ZNF462: variants seen among roughly 807,000 people sequenced by gnomAD.
ZNF462 encodes the protein zinc finger protein 462.
ZNF462 carries 10 observed loss-of-function variants against 201.9 expected under a neutral mutation model. The ratio of observed to expected loss-of-function variants is 0.05; its 90% CI spans 0.03 to 0.08. The LOEUF (loss-of-function observed/expected upper bound fraction) is 0.08. Among genes scored for constraint, ZNF462 ranks in the 10% least tolerant of loss-of-function variants. The pLI is 1.00. For synonymous variants in ZNF462, 1,227 were observed against 1,193.3 expected (o/e 1.03, Z -0.58); for missense variants, 2,523 against 3,168.3 (o/e 0.80, Z 4.89).
At chr9:106,903,352 G>A (rs1194460374) in intron 1 of ZNF462, among the ~76,000 whole-genome samples, 2 of 152,024 alleles carry the variant, frequency 1.3e-5, no homozygotes, top group Non-Finnish European at 2.9e-5. Flanking sequence ...CTATCATATG[G>A]TCTATCTTGG....
rs144356650 is a variant in ZNF462 at position 106,908,086 on chromosome 9, T to G, written c.-30-15268T>G. Among the ~76,000 whole-genome samples, 14 of 152,224 alleles carry G rather than the reference T, an allele frequency of 9.2e-5. No individual in the cohort carries two copies. The East Asian group carries it at 2.7e-3, about 29-fold the overall frequency. On this transcript the variant is annotated intron_variant, in intron 1 of 12. Transcript: ENST00000277225. Reference sequence around the variant, plus strand: ...TACTATTTTTTAAATTTGTAATGTATTATCTCTTAATTGTGGCATTAAAGA... The same window carrying G: ...TACTATTTTTTAAATTTGTAATGTAGTATCTCTTAATTGTGGCATTAAAGA...
intron 7 of ZNF462, among the ~76,000 whole-genome samples, chr9:106,969,237 A>G (rs1832217916): frequency 6.6e-6 from 1 of 152,198 alleles, no homozygotes; most frequent in South Asian, 2.1e-4. Context: ...GGAGGAAAAA[A>G]AAAATTTTAT....
rs200397835 is a variant in ZNF462 at position 106,930,721 on chromosome 9, G to T, written c.6012+32G>T. 5 of 1,610,038 alleles carry T rather than the reference G, an allele frequency of 3.1e-6. No individual in the cohort carries two copies. In the Admixed American group the frequency reaches 8.3e-5, roughly 27 times the overall value. On this transcript the variant is annotated intron_variant, in intron 4 of 12. Transcript: ENST00000277225. The surrounding 1 kb of genome is among the most constrained non-coding windows in gnomAD (Gnocchi z 5.8). ...ACTGGAAGGTCTGGATGAGCATTGTGTGTGAGCGATTCGAGTTACTTATTA... is the reference window on the plus strand; with the variant it reads ...ACTGGAAGGTCTGGATGAGCATTGTTTGTGAGCGATTCGAGTTACTTATTA...
At position 106,974,736 on chromosome 9, in the gene ZNF462, A is replaced by G; in HGVS notation, c.6832+463A>G. On this transcript the variant is annotated intron_variant, in intron 9 of 12. Transcript: ENST00000277225. This position sits in a 1 kb window ranked among gnomAD's most constrained non-coding sequence, Gnocchi z 4.0. ...CTTGAAATGGTTGAAGGGAGAGAGA[A>G]TTCTTTAAAATAATGTATATTATAC... 1 of 216,812 alleles carries G rather than the reference A, an allele frequency of 4.6e-6. No homozygotes were observed. The highest frequency in any genetic ancestry group is 9.4e-6 in the Non-Finnish European group (1 of 106,378). The allele number at this position is 216,812 out of a possible 1,614,324, so 13.4% of individuals were successfully genotyped here.
chr9:106,977,958 T>C lies in ZNF462; in HGVS notation c.6832+3685T>C, dbSNP rs1215914326. Among the ~76,000 whole-genome samples, 1 of 151,578 alleles carries C rather than the reference T, an allele frequency of 6.6e-6. No homozygotes were observed. Among genetic ancestry groups the C allele is most frequent in the African/African-American group, 2.4e-5 (1 of 40,846 alleles). Reference sequence around the variant, plus strand: ...TGAAGGCACAAGAGAAGGATCCTTATTTGCCTCTTCCTAGCTTCTGACAGC... The same window carrying C: ...TGAAGGCACAAGAGAAGGATCCTTACTTGCCTCTTCCTAGCTTCTGACAGC... On this transcript the variant is annotated intron_variant, in intron 9 of 12. Transcript: ENST00000277225. The surrounding 1 kb of genome is among the most constrained non-coding windows in gnomAD (Gnocchi z 4.6).
intron 10 of ZNF462, among the ~76,000 whole-genome samples, chr9:106,994,453 C>T (rs1828536132): frequency 6.6e-6 from 1 of 152,068 alleles, no homozygotes; most frequent in African/African-American, 2.4e-5. Flanking sequence ...CCAAATAAAT[C>T]ATAAGAAGAA....
rs1233437581 is a variant in ZNF462 at position 106,933,750 on chromosome 9, G to A, written c.6116+1201G>A. 1.3e-5 allele frequency among the ~76,000 whole-genome samples: 2 copies of A among 152,176 alleles called. No homozygotes were observed. Among genetic ancestry groups the A allele is most frequent in the African/African-American group, 4.8e-5 (2 of 41,432 alleles). On this transcript the variant is annotated intron_variant, in intron 5 of 12. Coordinates refer to ENST00000277225, the MANE Select transcript of ZNF462 (RefSeq NM_021224.6). The surrounding 1 kb of genome is among the most constrained non-coding windows in gnomAD (Gnocchi z 4.3). ...GAGAAATGTTACATCAGCTTTGGAA[G>A]AGTCAGGAAGGTTTTATGGCATAAG... is the stretch of plus-strand genomic sequence containing the variant.
chr9:106,950,382 G>T lies in ZNF462; in HGVS notation c.6427+11275G>T, dbSNP rs990098658. ...TCTTACTTGTCCCAAACTAAATGGA[G>T]TGAGCAGCTGTGTGGTTAGTAGCTG... On this transcript the variant is annotated intron_variant, in intron 7 of 12. Coordinates refer to ENST00000277225, the MANE Select transcript of ZNF462 (RefSeq NM_021224.6). The surrounding 1 kb of genome is among the most constrained non-coding windows in gnomAD (Gnocchi z 4.1). Among the ~76,000 whole-genome samples, 6 of 152,200 alleles carry T rather than the reference G, an allele frequency of 3.9e-5. No homozygotes were observed. The highest frequency in any genetic ancestry group is 1.4e-4 in the African/African-American group (6 of 41,448).
At chr9:106,918,210 A>G (rs1411938403) in intron 1 of ZNF462, among the ~76,000 whole-genome samples, 1 of 152,196 alleles carries the variant, frequency 6.6e-6, no homozygotes, top group Admixed American at 6.5e-5. Context: ...ACATGGAGAT[A>G]GTACCGATGT....
intron 1 of ZNF462, among the ~76,000 whole-genome samples, chr9:106,869,075 A>G (rs1011933621): frequency 2.0e-5 from 3 of 152,136 alleles, no homozygotes; most frequent in African/African-American, 7.2e-5. Context: ...GCCCTTCTCA[A>G]ATGCCCTTCT....
Position 106,968,548 on chromosome 9 carries a change from T to C in ZNF462, c.6428-3457T>C, listed in dbSNP as rs1241088780. Among the ~76,000 whole-genome samples, 1 of 151,980 alleles carries C rather than the reference T, an allele frequency of 6.6e-6. No homozygotes were observed. The highest frequency in any genetic ancestry group is 2.4e-5 in the African/African-American group (1 of 41,350). ...GACTGTATGTGTCAGGGTTGGTTGG[T>C]TGGTTGGTTGGTTGGTTGGGAATGT... is the stretch of plus-strand genomic sequence containing the variant. On this transcript the variant is annotated intron_variant, in intron 7 of 12. Transcript: ENST00000277225. The surrounding 1 kb of genome is among the most constrained non-coding windows in gnomAD (Gnocchi z 4.0).
chr9:106,974,161 A>G lies in ZNF462; in HGVS notation c.6720A>G (p.Glu2240=), dbSNP rs1213866090. 1.2e-6 allele frequency: 2 copies of G among 1,614,162 alleles called. No individual in the cohort carries two copies. The highest frequency in any genetic ancestry group is 1.7e-6 in the Non-Finnish European group (2 of 1,180,026). Reference sequence around the variant, plus strand: ...GATCTGCTTTTACTATGCACGTGGAAGCTGGGCACTCAGCAGTTCCCGAGG... The same window carrying G: ...GATCTGCTTTTACTATGCACGTGGAGGCTGGGCACTCAGCAGTTCCCGAGG... ...GFKSAFTMHV[E]AGHSAVPEEG... The change falls in exon 9 of 13, where the codon GAA becomes GAG. Residue 2240 remains glutamate, a synonymous_variant. Coordinates refer to ENST00000277225, the MANE Select transcript of ZNF462 (RefSeq NM_021224.6). The surrounding 1 kb of genome is among the most constrained non-coding windows in gnomAD (Gnocchi z 4.0).
At chr9:106,988,770 A>G (rs116273539) in intron 10 of ZNF462, among the ~76,000 whole-genome samples, 3,300 of 152,040 alleles carry the variant, frequency 0.022, 113 homozygotes, top group African/African-American at 0.075. Flanking sequence ...TGTTAGGTAT[A>G]TTCCTAAGTA....
intron 1 of ZNF462, among the ~76,000 whole-genome samples, chr9:106,871,137 G>A (rs926424231): frequency 4.6e-5 from 7 of 152,184 alleles, no homozygotes; most frequent in African/African-American, 1.7e-4. Context: ...AAAGATGTTT[G>A]CTGCACAAAG....
intron 1 of ZNF462, among the ~76,000 whole-genome samples, chr9:106,868,242 T>C (rs1005460129): frequency 1.3e-5 from 2 of 152,156 alleles, no homozygotes; most frequent in Non-Finnish European, 2.9e-5. Context: ...ATTCCTCTCC[T>C]TGTGTGATAT....
intron 1 of ZNF462, among the ~76,000 whole-genome samples, chr9:106,882,288 CAAA>C (rs1167533623): frequency 6.6e-6 from 1 of 152,194 alleles, no homozygotes; most frequent in Non-Finnish European, 1.5e-5. Flanking sequence ...TGTACACAGT[CAAA>C]ATGTATGGAG....
Position 106,927,204 on chromosome 9 carries a change from T to TGGGCCCCCCCC in ZNF462, c.3292_3293insGGGCCCCCCCC (p.Ser1098TrpfsTer47). 1.3e-6 allele frequency: 2 copies of TGGGCCCCCCCC among 1,570,548 alleles called. No individual in the cohort carries two copies. The highest frequency in any genetic ancestry group is 2.3e-5 in the East Asian group (1 of 43,514). ...GTCTCCCAAAATGTCCAACATGGGT[T>TGGGCCCCCCCC]CCCCACCCCCCCCACAACCCCCGCC... On this transcript the variant is annotated frameshift_variant, in exon 3 of 13. Transcript: ENST00000277225. LOFTEE classifies it high-confidence loss of function.
chr9:106,862,684 C>T (rs1015296889), upstream of ZNF462, among the ~76,000 whole-genome samples: 1 of 152,064 alleles, frequency 6.6e-6, no homozygotes, highest in Admixed American at 6.5e-5. The surrounding 1 kb of genome is among the most constrained non-coding windows in gnomAD (Gnocchi z 4.2). Context: ...CCAGCCTTAA[C>T]TTTGCAACCA....
At position 106,977,804 on chromosome 9, in the gene ZNF462, A is replaced by G. The variant is rs1431478378; in HGVS notation, c.6832+3531A>G. On this transcript the variant is annotated intron_variant, in intron 9 of 12. Transcript: ENST00000277225. This position sits in a 1 kb window ranked among gnomAD's most constrained non-coding sequence, Gnocchi z 4.6. ...GCAGAGAAGACTTAAGGCAGGGCAT[A>G]TTAGTTTGCAAGGACTATTGTAACA... Among the ~76,000 whole-genome samples the G allele has an allele frequency of 6.6e-6, 1 of 151,544 alleles. No homozygotes were observed. The highest frequency in any genetic ancestry group is 1.5e-5 in the Non-Finnish European group (1 of 68,036).
Sources: gnomAD v4.1 joint callset for allele counts (sites outside exome capture counted in the v4.1 genomes callset) on GRCh38, gnomAD v4.1.1 for gene constraint, Gnocchi (gnomAD v3.1) non-coding constraint, MANE v1.5 for transcripts, NCBI Gene and HGNC (gene_info 2026-07-23, HGNC 2026-07-21) for gene names.